Variants in GRIK4 observed in about 807,000 individuals in gnomAD.
GRIK4 encodes glutamate receptor ionotropic, kainate 4.
GRIK4 carries 40 observed loss-of-function variants against 104.9 expected under a neutral mutation model. The ratio of observed to expected loss-of-function variants is 0.38; its 90% confidence interval spans 0.30 to 0.50. GRIK4 has a LOEUF of 0.50. GRIK4 is among the 20% of genes least tolerant of loss of function. The probability of loss-of-function intolerance (pLI) is 0.93; values close to 1 mark genes in which losing one functional copy is unlikely to be tolerated. For synonymous variants in GRIK4, 485 were observed against 524.9 expected, an observed-to-expected ratio of 0.92 and a Z score of 1.04; for missense variants, 1,047 against 1,308.1, an observed-to-expected ratio of 0.80 and a Z score of 3.08.
intron 13 of GRIK4, among the ~76,000 whole-genome samples, chr11:120,924,070 A>G (rs926732268): frequency 6.6e-6 from 1 of 152,210 alleles, no homozygotes; most frequent in African/African-American, 2.4e-5. Context: ...TGGTGTTCGC[A>G]GCAGGCAGAG....
chr11:120,967,719 CA>C lies in GRIK4; in HGVS notation c.2395+399del, dbSNP rs1260156662. Among the ~76,000 whole-genome samples the C allele has an allele frequency of 6.6e-6, 1 of 152,174 alleles. No individual in the cohort carries two copies. Among genetic ancestry groups the C allele is most frequent in the East Asian group, 1.9e-4 (1 of 5,192 alleles). Reference sequence around the variant, plus strand: ...GCCAGAGTGATCCTTTTTAAAAATGCAAACTCGATGGCAGCATTCCCCCCAC... The same window carrying C: ...GCCAGAGTGATCCTTTTTAAAAATGCAACTCGATGGCAGCATTCCCCCCAC... On this transcript the variant is annotated intron_variant, in intron 19 of 20. Coordinates refer to ENST00000527524, the MANE Select transcript of GRIK4 (RefSeq NM_014619.5). This position sits in a 1 kb window ranked among gnomAD's most constrained non-coding sequence, Gnocchi z 4.2.
At chr11:120,728,592 A>G (rs1436100657) in intron 3 of GRIK4, among the ~76,000 whole-genome samples, 1 of 152,158 alleles carries the variant, frequency 6.6e-6, no homozygotes, top group African/African-American at 2.4e-5. Flanking sequence ...TTAAGCTTTT[A>G]AAAATATCTT....
chr11:120,970,605 A>C (rs778176101), intron 19 of GRIK4, among the ~76,000 whole-genome samples: 1 of 151,534 alleles, frequency 6.6e-6, no homozygotes, highest in Non-Finnish European at 1.5e-5. Flanking sequence ...TCTCCTGCTC[A>C]TTCTTGTGGA....
chr11:120,790,126 T>G (rs977815545), intron 3 of GRIK4, among the ~76,000 whole-genome samples: 2 of 152,194 alleles, frequency 1.3e-5, no homozygotes, highest in Non-Finnish European at 2.9e-5. Context: ...GTCATATCAC[T>G]TACCGTATCA....
At chr11:120,539,727 C>A (rs1948013416) in intron 1 of GRIK4, among the ~76,000 whole-genome samples, 1 of 152,170 alleles carries the variant, frequency 6.6e-6, no homozygotes, top group Non-Finnish European at 1.5e-5. Flanking sequence ...TCACCAAACA[C>A]ACAAGCAAAA....
intron 1 of GRIK4, among the ~76,000 whole-genome samples, chr11:120,607,124 C>T (rs1948972484): frequency 6.6e-6 from 1 of 152,114 alleles, no homozygotes; most frequent in Admixed American, 6.5e-5. Flanking sequence ...TTGGGAGGCT[C>T]GGCTCAGTGG....
chr11:120,721,644 G>A (rs1340823417), intron 3 of GRIK4, among the ~76,000 whole-genome samples: 1 of 152,190 alleles, frequency 6.6e-6, no homozygotes, highest in Non-Finnish European at 1.5e-5. Flanking sequence ...TGCCATCCTA[G>A]TTGTGTGGTA....
chr11:120,791,624 A>G (rs1359755521), intron 3 of GRIK4, among the ~76,000 whole-genome samples: 5 of 152,060 alleles, frequency 3.3e-5, no homozygotes, highest in Non-Finnish European at 5.9e-5. Context: ...TACTTTACCA[A>G]TTGTTTAATT....
chr11:120,966,520 C>T (rs1425365764), intron 18 of GRIK4, among the ~76,000 whole-genome samples: 1 of 152,158 alleles, frequency 6.6e-6, no homozygotes, highest in Non-Finnish European at 1.5e-5. Flanking sequence ...TACAGGTGCG[C>T]ACCATCACAC....
At chr11:120,978,359 C>T (rs1361287080) in intron 19 of GRIK4, among the ~76,000 whole-genome samples, 5 of 152,130 alleles carry the variant, frequency 3.3e-5, no homozygotes, top group African/African-American at 7.2e-5. Flanking sequence ...AAGTGACCTC[C>T]GAGCTAAGTC....
At chr11:120,516,728 A>G (rs1220463606) in intron 1 of GRIK4, among the ~76,000 whole-genome samples, 1 of 152,188 alleles carries the variant, frequency 6.6e-6, no homozygotes, top group Non-Finnish European at 1.5e-5. Context: ...TGGATGCAGC[A>G]GATGAAGGAG....
intron 13 of GRIK4, among the ~76,000 whole-genome samples, chr11:120,909,854 C>T (rs1279546341): frequency 6.6e-6 from 1 of 152,178 alleles, no homozygotes; most frequent in African/African-American, 2.4e-5. Flanking sequence ...TTATCACCTG[C>T]TTACCCAAAA....
At chr11:120,660,601 G>T (rs1412602786) in intron 3 of GRIK4, among the ~76,000 whole-genome samples, 3 of 152,232 alleles carry the variant, frequency 2.0e-5, no homozygotes, top group African/African-American at 7.2e-5. Context: ...AACCTGCTGA[G>T]CTCCCCGGCC....
chr11:120,598,709 G>T lies in GRIK4; in HGVS notation c.-158-54976G>T, dbSNP rs940542018. Among the ~76,000 whole-genome samples the T allele has an allele frequency of 3.9e-5, 6 of 152,150 alleles. 1 individual carries two copies. Among genetic ancestry groups the T allele is most frequent in the Admixed American group, 2.0e-4 (3 of 15,272 alleles). ...TGGCCTCTTATCTTCCAAGAGGCTC[G>T]CCCAGGCCTGACCTCTTCCTCACAC... is the stretch of plus-strand genomic sequence containing the variant. On this transcript the variant is annotated intron_variant, in intron 1 of 20. Coordinates refer to ENST00000527524, the MANE Select transcript of GRIK4 (RefSeq NM_014619.5).
At chr11:120,622,139 G>A (rs1444174847) in intron 1 of GRIK4, among the ~76,000 whole-genome samples, 2 of 152,118 alleles carry the variant, frequency 1.3e-5, no homozygotes, top group Non-Finnish European at 2.9e-5. Flanking sequence ...GACCTCAGGT[G>A]ATCCACCCAC....
intron 2 of GRIK4, among the ~76,000 whole-genome samples, chr11:120,656,015 G>C (rs1315307020): frequency 1.3e-5 from 2 of 152,194 alleles, no homozygotes; most frequent in East Asian, 3.8e-4. Flanking sequence ...ACCATGGGCA[G>C]GGGAGAAACC....
chr11:120,548,029 C>T (rs997765040), intron 1 of GRIK4, among the ~76,000 whole-genome samples: 4 of 152,098 alleles, frequency 2.6e-5, no homozygotes, highest in East Asian at 1.9e-4. Context: ...GGGTGAAGGA[C>T]GCTGGGAGAA....
chr11:120,854,773 G>A (rs368090429), intron 8 of GRIK4, among the ~76,000 whole-genome samples: 1 of 152,174 alleles, frequency 6.6e-6, no homozygotes, highest in East Asian at 1.9e-4. Context: ...TCTCACAATG[G>A]CACAGTGAAG....
At position 120,853,258 on chromosome 11, in the gene GRIK4, G is replaced by T. The variant is rs191831097; in HGVS notation, c.745-8701G>T. ...CAGGAATCATAGCATGAAAAGACTT[G>T]TGTGTCTAGCCAAGGGGTTTCTGTC... On this transcript the variant is annotated intron_variant, in intron 8 of 20. Transcript: ENST00000527524. Among the ~76,000 whole-genome samples the T allele has an allele frequency of 6.0e-3, 907 of 152,290 alleles. 4 individuals are homozygous for T. The highest frequency in any genetic ancestry group is 8.7e-3 in the Non-Finnish European group (592 of 68,024).
Sources: gnomAD v4.1 joint callset for allele counts (sites outside exome capture counted in the v4.1 genomes callset) on GRCh38, gnomAD v4.1.1 for gene constraint, Gnocchi (gnomAD v3.1) non-coding constraint, MANE v1.5 for transcripts, NCBI Gene and HGNC (gene_info 2026-07-23, HGNC 2026-07-21) for gene names.